The following PRR16 variants were observed in gnomAD, a reference collection of about 807,000 sequenced individuals.
PRR16 encodes the protein protein Largen.
PRR16 carries 6 observed loss-of-function variants against 18.2 expected under a neutral mutation model. That is an observed-to-expected ratio of 0.33 (90% CI 0.18 to 0.65). The LOEUF (loss-of-function observed/expected upper bound fraction) is 0.65, where lower values mean the gene tolerates loss of function less well. Among genes scored for constraint, PRR16 ranks in the 30% least tolerant of loss-of-function variants. The pLI, the probability that PRR16 is intolerant of heterozygous loss-of-function variation, is 0.74. For missense variants in PRR16, 412 were observed against 376.6 expected, an observed-to-expected ratio of 1.09 and a Z score of -0.78; for synonymous variants, 151 against 147.8, an observed-to-expected ratio of 1.02 and a Z score of -0.16.
chr5:120,564,865 A>C (rs931523403), intron 1 of PRR16, among the ~76,000 whole-genome samples: 1 of 151,972 alleles, frequency 6.6e-6, no homozygotes, highest in African/African-American at 2.4e-5. Context: ...GGGCGCCTGT[A>C]GTCCCAGCTA....
At chr5:120,585,445 A>G (rs750828918) in intron 1 of PRR16, among the ~76,000 whole-genome samples, 22 of 152,012 alleles carry the variant, frequency 1.4e-4, no homozygotes, top group Admixed American at 6.6e-5. Context: ...CCCCGCTTCT[A>G]CTAAAAATAT....
In PRR16 at chr5:120,597,224, A is replaced by C. The variant is rs1375584119; in HGVS notation, c.160-88730A>C. Among the ~76,000 whole-genome samples, 3 of 151,500 alleles carry C rather than the reference A, an allele frequency of 2.0e-5. No individual in the cohort carries two copies. The Admixed American group carries it at 2.0e-4, about 10-fold the overall frequency. On this transcript the variant is annotated intron_variant, in intron 1 of 1. Transcript: ENST00000407149. ...TACTTTATAAGGTGTATGCTTTAAA[A>C]ATTTCTTCCATTCTATTGGTTGTTT...
chr5:120,739,623 G>A, the PRR16 span, among the ~76,000 whole-genome samples: 4 of 152,054 alleles, frequency 2.6e-5, no homozygotes, highest in Non-Finnish European at 4.4e-5. Context: ...TACATAGGAC[G>A]TCAACAACCC....
intron 1 of PRR16, among the ~76,000 whole-genome samples, chr5:120,633,045 A>G (rs549145713): frequency 2.6e-5 from 4 of 152,000 alleles, no homozygotes; most frequent in Non-Finnish European, 5.9e-5. Context: ...AGCAGAAACC[A>G]TCAGGATAGA....
intron 1 of PRR16, among the ~76,000 whole-genome samples, chr5:120,601,416 G>T (rs928233659): frequency 1.3e-5 from 2 of 151,744 alleles, no homozygotes; most frequent in African/African-American, 4.8e-5. Context: ...TTTCTTAATG[G>T]TGTTTGTTTT....
chr5:120,698,726 T>C, the PRR16 span, among the ~76,000 whole-genome samples: 37 of 152,046 alleles, frequency 2.4e-4, no homozygotes, highest in African/African-American at 8.0e-4. Context: ...AATTCTGAGA[T>C]GCGAAAGTGG....
intron 1 of PRR16, among the ~76,000 whole-genome samples, chr5:120,523,801 C>A (rs995026936): frequency 6.6e-6 from 1 of 151,788 alleles, no homozygotes; most frequent in Non-Finnish European, 1.5e-5. Context: ...ATATTGAATA[C>A]TTTTAAAGCT....
intron 1 of PRR16, among the ~76,000 whole-genome samples, chr5:120,655,158 G>A (rs1169039852): frequency 6.6e-6 from 1 of 151,556 alleles, no homozygotes; most frequent in Non-Finnish European, 1.5e-5. Context: ...CCATCCCTCT[G>A]CTCACTTATT....
chr5:120,613,456 C>T (rs1305123974), intron 1 of PRR16, among the ~76,000 whole-genome samples: 1 of 150,590 alleles, frequency 6.6e-6, no homozygotes, highest in East Asian at 1.9e-4. Flanking sequence ...ATTACTTAAG[C>T]ATATTACTAA....
intron 1 of PRR16, among the ~76,000 whole-genome samples, chr5:120,491,422 TC>T (rs1750036401): frequency 5.5e-3 from 2 of 362 alleles, no homozygotes; most frequent in Admixed American, 0.083. Context: ...ATATACCCTT[TC>T]CTTTCCTTTC....
At chr5:120,626,705 G>A (rs1472498644) in intron 1 of PRR16, among the ~76,000 whole-genome samples, 2 of 152,040 alleles carry the variant, frequency 1.3e-5, no homozygotes, top group African/African-American at 4.8e-5. Context: ...AAGCAGACTC[G>A]AAGTTTAAAT....
chr5:120,566,512 T>C (rs1049744791), intron 1 of PRR16, among the ~76,000 whole-genome samples: 4 of 152,222 alleles, frequency 2.6e-5, no homozygotes, highest in Admixed American at 1.3e-4. Flanking sequence ...AAGTCTAGAA[T>C]TTATTGGTCC....
chr5:120,704,531 G>C, the PRR16 span, among the ~76,000 whole-genome samples: 2 of 152,106 alleles, frequency 1.3e-5, no homozygotes, highest in Non-Finnish European at 2.9e-5. Flanking sequence ...ATAGAAACTA[G>C]AGCACCAATG....
At chr5:120,635,132 C>T (rs1169812887) in intron 1 of PRR16, among the ~76,000 whole-genome samples, 1 of 151,972 alleles carries the variant, frequency 6.6e-6, no homozygotes, top group African/African-American at 2.4e-5. Flanking sequence ...TAAAAATTTG[C>T]CAACAAATAA....
chr5:120,470,650 A>G (rs188253602), intron 1 of PRR16, among the ~76,000 whole-genome samples: 55 of 152,278 alleles, frequency 3.6e-4, no homozygotes, highest in Non-Finnish European at 7.2e-4. Context: ...TTTTGGCAAT[A>G]TGAATATCTA....
At chr5:120,777,827 A>C in the PRR16 span, among the ~76,000 whole-genome samples, 3 of 152,132 alleles carry the variant, frequency 2.0e-5, no homozygotes, top group Admixed American at 6.6e-5. Flanking sequence ...AAAATGTGGA[A>C]ATCATACGTG....
At position 120,553,256 on chromosome 5, in the gene PRR16, C is replaced by T. The variant is rs981770210; in HGVS notation, c.159+88611C>T. ...AAAAAATAAATTAAGGACTAGTCTGCGCCATAACTTGATATTAGTGAGGCA... is the reference window on the plus strand; with the variant it reads ...AAAAAATAAATTAAGGACTAGTCTGTGCCATAACTTGATATTAGTGAGGCA... On this transcript the variant is annotated intron_variant, in intron 1 of 1. Transcript: ENST00000407149. 5.9e-5 allele frequency among the ~76,000 whole-genome samples: 9 copies of T among 151,852 alleles called. 1 individual carries two copies. Among genetic ancestry groups the T allele is most frequent in the Admixed American group, 3.3e-4 (5 of 15,204 alleles).
At chr5:120,673,499 ACTC>A (rs1756685950) in intron 1 of PRR16, among the ~76,000 whole-genome samples, 1 of 152,110 alleles carries the variant, frequency 6.6e-6, no homozygotes, top group African/African-American at 2.4e-5. Context: ...ATTAACATAA[ACTC>A]CTGAATCTTG....
intron 1 of PRR16, among the ~76,000 whole-genome samples, chr5:120,609,120 C>T (rs1580783017): frequency 6.6e-6 from 1 of 152,004 alleles, no homozygotes; most frequent in East Asian, 1.9e-4. Flanking sequence ...GATATACTCC[C>T]ACATACCCTG....
Sources: allele counts gnomAD v4.1 joint callset (sites outside exome capture counted in the v4.1 genomes callset), GRCh38; gene constraint gnomAD v4.1.1; transcripts MANE v1.5; gene names NCBI Gene and HGNC (gene_info 2026-07-23, HGNC 2026-07-21).